The following FAM78B variants were observed in gnomAD, a reference collection of about 807,000 sequenced individuals.
FAM78B encodes the protein protein FAM78B.
A neutral mutation model predicts 20.0 loss-of-function variants in FAM78B; 10 were observed. The ratio of observed to expected loss-of-function variants is 0.50; its 90% confidence interval spans 0.31 to 0.85. FAM78B has a LOEUF of 0.85. FAM78B is among the 40% of genes least tolerant of loss of function. The pLI, the probability that FAM78B is intolerant of heterozygous loss-of-function variation, is 0.05. For synonymous variants in FAM78B, 135 were observed against 132.8 expected, an observed-to-expected ratio of 1.02 and a Z score of -0.12; for missense variants, 283 against 345.0, an observed-to-expected ratio of 0.82 and a Z score of 1.42.
chr1:166,097,476 C>T (rs1183194803), intron 1 of FAM78B, among the ~76,000 whole-genome samples: 1 of 152,212 alleles, frequency 6.6e-6, no homozygotes, highest in African/African-American at 2.4e-5. Flanking sequence ...TTTTCAAGCC[C>T]ATATGGCTCT....
chr1:166,072,261 C>G (rs144683340), intron 1 of FAM78B, among the ~76,000 whole-genome samples: 81 of 152,248 alleles, frequency 5.3e-4, no homozygotes, highest in African/African-American at 1.9e-3. Flanking sequence ...TACAGTACCT[C>G]CTAGGCCAGT....
chr1:166,149,093 C>T (rs997702191), intron 1 of FAM78B, among the ~76,000 whole-genome samples: 13 of 151,910 alleles, frequency 8.6e-5, no homozygotes, highest in Non-Finnish European at 1.2e-4. Context: ...TGAATAATGC[C>T]GCAATAAACA....
At chr1:166,136,742 G>A (rs1306676120) in intron 1 of FAM78B, among the ~76,000 whole-genome samples, 1 of 152,184 alleles carries the variant, frequency 6.6e-6, no homozygotes, top group Non-Finnish European at 1.5e-5. Flanking sequence ...CCCTAACTGG[G>A]CCGGTGACTC....
chr1:166,079,986 C>T (rs578201793), intron 1 of FAM78B, among the ~76,000 whole-genome samples: 1 of 152,306 alleles, frequency 6.6e-6, no homozygotes, highest in African/African-American at 2.4e-5. Flanking sequence ...AGCACCCTTA[C>T]AATCAGTGTC....
intron 1 of FAM78B, among the ~76,000 whole-genome samples, chr1:166,150,132 G>T (rs1655620683): frequency 1.3e-5 from 2 of 152,168 alleles, no homozygotes; most frequent in Non-Finnish European, 2.9e-5. Context: ...TCTGAGGAAT[G>T]CATCTCAGAG....
At chr1:166,060,808 T>G (rs1274855106) in intron 2 of FAM78B, 1 of 349,766 alleles carries the variant, frequency 2.9e-6, no homozygotes, top group Non-Finnish European at 5.2e-6. Flanking sequence ...TACAAAAAAT[T>G]TTTGGTATTT....
intron 1 of FAM78B, among the ~76,000 whole-genome samples, chr1:166,140,395 G>A (rs1345265945): frequency 1.3e-5 from 2 of 152,226 alleles, no homozygotes; most frequent in Non-Finnish European, 2.9e-5. Flanking sequence ...TCCAGATATT[G>A]TTGGGGGCCA....
At chr1:166,084,637 G>A (rs1244877960) in intron 1 of FAM78B, among the ~76,000 whole-genome samples, 1 of 152,202 alleles carries the variant, frequency 6.6e-6, no homozygotes, top group African/African-American at 2.4e-5. Flanking sequence ...AGGCTCCCAG[G>A]GATTCAGAGT....
intron 1 of FAM78B, among the ~76,000 whole-genome samples, chr1:166,097,844 T>A (rs187153611): frequency 4.6e-5 from 7 of 151,866 alleles, no homozygotes; most frequent in Non-Finnish European, 7.4e-5. Context: ...AGTTACACGG[T>A]CCTGCCCACC....
intron 1 of FAM78B, among the ~76,000 whole-genome samples, chr1:166,075,513 A>G (rs1396107421): frequency 2.6e-5 from 4 of 152,132 alleles, no homozygotes; most frequent in Non-Finnish European, 2.9e-5. Flanking sequence ...ACCAATCACA[A>G]TGGTATTTCA....
chr1:166,160,767 C>T (rs1166581130), intron 1 of FAM78B, among the ~76,000 whole-genome samples: 1 of 152,246 alleles, frequency 6.6e-6, no homozygotes, highest in Non-Finnish European at 1.5e-5. Flanking sequence ...GGGCCATGCA[C>T]TGTTCATAAA....
chr1:166,154,787 T>A, intron 1 of FAM78B: 1 of 492,018 alleles, frequency 2.0e-6, no homozygotes, highest in Non-Finnish European at 4.2e-6. Context: ...CCTGGTTCTG[T>A]CCCTCACTAG....
At chr1:166,138,658 C>T (rs1347313191) in intron 1 of FAM78B, among the ~76,000 whole-genome samples, 4 of 152,200 alleles carry the variant, frequency 2.6e-5, no homozygotes, top group East Asian at 1.9e-4. Context: ...AAGTACTAAA[C>T]GTATTCCTGA....
chr1:166,112,419 C>T (rs944181678), intron 1 of FAM78B, among the ~76,000 whole-genome samples: 3 of 152,160 alleles, frequency 2.0e-5, no homozygotes, highest in African/African-American at 7.2e-5. Flanking sequence ...CTGAATTAGT[C>T]TAGGAGTGAA....
At chr1:166,124,729 A>G (rs1208901868) in intron 1 of FAM78B, among the ~76,000 whole-genome samples, 1 of 152,226 alleles carries the variant, frequency 6.6e-6, no homozygotes, top group African/African-American at 2.4e-5. Flanking sequence ...CCTTCATGAA[A>G]TACTGTCTGA....
At chr1:166,105,609 T>C (rs1653740672) in intron 1 of FAM78B, among the ~76,000 whole-genome samples, 1 of 152,200 alleles carries the variant, frequency 6.6e-6, no homozygotes, top group African/African-American at 2.4e-5. Flanking sequence ...GAAAAAATGC[T>C]CATCATCACT....
At chr1:166,066,974 T>C (rs1464873411), downstream of FAM78B, among the ~76,000 whole-genome samples, 1 of 151,954 alleles carries the variant, frequency 6.6e-6, no homozygotes, top group Admixed American at 6.6e-5. Flanking sequence ...ATATTAAGGG[T>C]TCAACCTCAA....
intron 1 of FAM78B, among the ~76,000 whole-genome samples, chr1:166,119,947 C>T (rs1654405827): frequency 6.6e-6 from 1 of 152,144 alleles, no homozygotes. Context: ...AGAAGATGCG[C>T]CAAGAGAGGC....
intron 2 of FAM78B, among the ~76,000 whole-genome samples, chr1:166,061,463 T>A (rs921788256): frequency 1.3e-5 from 2 of 152,198 alleles, no homozygotes; most frequent in African/African-American, 4.8e-5. Flanking sequence ...CCTTTTCAGA[T>A]TGTATGCATG....
Sources: gnomAD v4.1 joint callset for allele counts (sites outside exome capture counted in the v4.1 genomes callset) on GRCh38, gnomAD v4.1.1 for gene constraint, MANE v1.5 for transcripts, NCBI Gene and HGNC (gene_info 2026-07-23, HGNC 2026-07-21) for gene names.